FRMD6: variants seen among roughly 807,000 people sequenced by gnomAD.
FRMD6 encodes FERM domain containing 6, also known as FERM domain-containing protein 6.
In FRMD6, 37 loss-of-function variants were observed where a neutral mutation model predicts 73.2. The ratio of observed to expected loss-of-function variants is 0.51; its 90% CI spans 0.39 to 0.66. The LOEUF (loss-of-function observed/expected upper bound fraction) is 0.66, where lower values mean the gene tolerates loss of function less well. Ranked by LOEUF, FRMD6 falls within the 30% of genes least tolerant of loss-of-function variation. FRMD6 has a pLI of 0.00. For missense variants in FRMD6, 714 were observed against 780.5 expected, an observed-to-expected ratio of 0.91 and a Z score of 1.02; for synonymous variants, 273 against 282.2, an observed-to-expected ratio of 0.97 and a Z score of 0.33.
At chr14:51,438,879 G>A in the FRMD6 span, among the ~76,000 whole-genome samples, 3 of 109,044 alleles carry the variant, frequency 2.8e-5, no homozygotes, top group South Asian at 3.5e-4. Context: ...CACTGGCTAT[G>A]TAAAATGTGG....
chr14:51,539,494 A>C lies in FRMD6; in HGVS notation c.-209-30854A>C, dbSNP rs544424477. Among the ~76,000 whole-genome samples, 4 of 152,300 alleles carry C rather than the reference A, an allele frequency of 2.6e-5. No homozygotes were observed. In the South Asian group the frequency reaches 8.3e-4, roughly 32 times the overall value. ...TTAACAAGCATTTTTTGAAAGAAAA[A>C]AATGAATACATAGATAGCATTGGGA... On this transcript the variant is annotated intron_variant, in intron 1 of 14. Coordinates refer to the FRMD6 transcript ENST00000356218.
At chr14:51,479,078 CA>C in the FRMD6 span, among the ~76,000 whole-genome samples, 1 of 152,126 alleles carries the variant, frequency 6.6e-6, no homozygotes, top group Non-Finnish European at 1.5e-5. Flanking sequence ...TGTAGCCCTC[CA>C]AAAATGCTAG....
chr14:51,474,740 C>T, the FRMD6 span, among the ~76,000 whole-genome samples: 8 of 152,244 alleles, frequency 5.3e-5, 1 homozygote, highest in Non-Finnish European at 1.2e-4. Flanking sequence ...AATGTGAAGG[C>T]AATGGGGAAC....
chr14:51,569,829 T>C (rs1460099739), intron 1 of FRMD6, among the ~76,000 whole-genome samples: 3 of 150,878 alleles, frequency 2.0e-5, no homozygotes, highest in Admixed American at 2.0e-4. Flanking sequence ...TTTTCTTTTT[T>C]TTTTTTGAGA....
chr14:51,659,314 A>G (rs1893049850), intron 1 of FRMD6, among the ~76,000 whole-genome samples: 1 of 152,238 alleles, frequency 6.6e-6, no homozygotes, highest in South Asian at 2.1e-4. Context: ...ATATATAATA[A>G]ACGTCTTACG....
At chr14:51,574,713 G>A (rs1258722909) in intron 2 of FRMD6, among the ~76,000 whole-genome samples, 3 of 152,230 alleles carry the variant, frequency 2.0e-5, no homozygotes, top group Admixed American at 6.5e-5. Context: ...TGGTTAATGG[G>A]TACAAAAATA....
At chr14:51,629,682 A>G (rs1234986332) in intron 2 of FRMD6, among the ~76,000 whole-genome samples, 4 of 152,196 alleles carry the variant, frequency 2.6e-5, no homozygotes, top group African/African-American at 9.7e-5. Context: ...TATAATAAAT[A>G]AAAAAGAAAC....
At chr14:51,688,060 A>G (rs1305237572) in intron 1 of FRMD6, among the ~76,000 whole-genome samples, 1 of 151,938 alleles carries the variant, frequency 6.6e-6, no homozygotes, top group African/African-American at 2.4e-5. Context: ...ATTCTGATGC[A>G]GCCAACCCTG....
At chr14:51,505,862 T>G (rs1212413439) in intron 1 of FRMD6, among the ~76,000 whole-genome samples, 6 of 152,184 alleles carry the variant, frequency 3.9e-5, no homozygotes, top group Non-Finnish European at 8.8e-5. Flanking sequence ...CTCAGTTTCT[T>G]CACACAGCCA....
At chr14:51,511,398 A>T (rs1305425579) in intron 1 of FRMD6, among the ~76,000 whole-genome samples, 1 of 152,238 alleles carries the variant, frequency 6.6e-6, no homozygotes, top group Non-Finnish European at 1.5e-5. Context: ...TTCAGGGCAA[A>T]GTGATGTATT....
At chr14:51,705,382 T>C (rs1896566277) in intron 6 of FRMD6, among the ~76,000 whole-genome samples, 2 of 152,144 alleles carry the variant, frequency 1.3e-5, no homozygotes, top group African/African-American at 2.4e-5. Context: ...TAACCCCTTC[T>C]TTCAGCAAGA....
chr14:51,490,622 G>T (rs1566773205), intron 1 of FRMD6, among the ~76,000 whole-genome samples: 4 of 151,858 alleles, frequency 2.6e-5, no homozygotes, highest in Non-Finnish European at 5.9e-5. Flanking sequence ...TATTTTGTGT[G>T]TGTGTGTGTG....
At chr14:51,442,461 C>T in the FRMD6 span, among the ~76,000 whole-genome samples, 10,741 of 152,192 alleles carry the variant, frequency 0.071, 419 homozygotes, top group East Asian at 0.11. Context: ...TAAATTAGAC[C>T]TCCAGAGGGA....
intron 1 of FRMD6, among the ~76,000 whole-genome samples, chr14:51,517,743 C>T (rs1489218647): frequency 1.3e-5 from 2 of 152,140 alleles, no homozygotes; most frequent in African/African-American, 2.4e-5. Flanking sequence ...TAACAACAAG[C>T]CACAGTTATT....
At chr14:51,430,440 C>A in the FRMD6 span, among the ~76,000 whole-genome samples, 57,518 of 151,910 alleles carry the variant, frequency 0.38, 11,260 homozygotes, top group Middle Eastern at 0.41. Flanking sequence ...AACAATACAC[C>A]TTACAGGATT....
the FRMD6 span, among the ~76,000 whole-genome samples, chr14:51,398,010 G>A: frequency 1.3e-5 from 2 of 152,080 alleles, no homozygotes; most frequent in Admixed American, 1.3e-4. Flanking sequence ...TTAAAAGTGT[G>A]AAGTCCTTGA....
intron 1 of FRMD6, among the ~76,000 whole-genome samples, chr14:51,655,171 C>G (rs1304934974): frequency 1.3e-5 from 2 of 152,094 alleles, no homozygotes; most frequent in African/African-American, 2.4e-5. Flanking sequence ...CTCCCCACCC[C>G]CAACGAGGAA....
At chr14:51,684,239 C>T (rs1248365365) in intron 1 of FRMD6, among the ~76,000 whole-genome samples, 2 of 151,128 alleles carry the variant, frequency 1.3e-5, no homozygotes, top group Non-Finnish European at 2.9e-5. Context: ...TTTATATTTT[C>T]AGGTACTGTT....
chr14:51,558,598 T>C (rs1170569643), intron 1 of FRMD6, among the ~76,000 whole-genome samples: 2 of 152,096 alleles, frequency 1.3e-5, no homozygotes, highest in African/African-American at 4.8e-5. Flanking sequence ...TCTCCAAAAA[T>C]GTCATAATAT....
Sources: gnomAD v4.1 joint callset for allele counts (sites outside exome capture counted in the v4.1 genomes callset) on GRCh38, gnomAD v4.1.1 for gene constraint, MANE v1.5 for transcripts, NCBI Gene and HGNC (gene_info 2026-07-23, HGNC 2026-07-21) for gene names.